The following CNTN1 variants were observed in gnomAD, a reference collection of about 807,000 sequenced individuals.
CNTN1 encodes contactin-1.
A neutral mutation model predicts 126.4 loss-of-function variants in CNTN1; 38 were observed. The ratio of observed to expected loss-of-function variants is 0.30; its 90% CI spans 0.23 to 0.39. CNTN1 has a LOEUF of 0.39. Among genes scored for constraint, CNTN1 ranks in the 10% least tolerant of loss-of-function variants. The probability of loss-of-function intolerance (pLI) is 1.00; values close to 1 mark genes in which losing one functional copy is unlikely to be tolerated. For missense variants in CNTN1, 1,009 were observed against 1,248.4 expected, an observed-to-expected ratio of 0.81 and a Z score of 2.89; for synonymous variants, 413 against 422.6, an observed-to-expected ratio of 0.98 and a Z score of 0.28.
chr12:40,994,904 CA>C (rs1230833946), intron 17 of CNTN1, among the ~76,000 whole-genome samples: 1 of 151,922 alleles, frequency 6.6e-6, no homozygotes, highest in Non-Finnish European at 1.5e-5. Context: ...TGAGAAAACT[CA>C]ATGTATGAGA....
At chr12:40,749,188 G>A (rs986663190) in intron 1 of CNTN1, among the ~76,000 whole-genome samples, 3 of 152,026 alleles carry the variant, frequency 2.0e-5, no homozygotes, top group Non-Finnish European at 2.9e-5. Flanking sequence ...TATAATACTT[G>A]TATAGAGCTG....
chr12:40,902,437 T>C (rs909950651), intron 1 of CNTN1, among the ~76,000 whole-genome samples: 62 of 152,208 alleles, frequency 4.1e-4, no homozygotes, highest in African/African-American at 1.4e-3. Context: ...GATAATCTCT[T>C]GGAAATAGAA....
intron 23 of CNTN1, among the ~76,000 whole-genome samples, chr12:41,058,566 A>G (rs372975352): frequency 8.5e-5 from 13 of 152,278 alleles, no homozygotes; most frequent in Middle Eastern, 3.4e-3. Context: ...AAACTCCTGC[A>G]AAAGTGATGA....
At chr12:41,017,750 T>C (rs1041327955) in intron 19 of CNTN1, among the ~76,000 whole-genome samples, 1 of 152,142 alleles carries the variant, frequency 6.6e-6, no homozygotes, top group African/African-American at 2.4e-5. Context: ...TTTTCTCTGA[T>C]TTCTGTTTAA....
chr12:40,916,955 A>G (rs1292151080), intron 3 of CNTN1, among the ~76,000 whole-genome samples: 1 of 151,128 alleles, frequency 6.6e-6, no homozygotes, highest in African/African-American at 2.4e-5. Context: ...AAACTATTGA[A>G]TAAAAGTTTC....
chr12:40,949,574 T>C (rs1946586984), intron 14 of CNTN1, among the ~76,000 whole-genome samples: 6 of 98,632 alleles, frequency 6.1e-5, no homozygotes, highest in Non-Finnish European at 8.8e-5. Context: ...TCTTTCTTTT[T>C]TTTTTTTTTT....
chr12:40,811,860 T>C (rs73116763), intron 1 of CNTN1, among the ~76,000 whole-genome samples: 3,420 of 151,960 alleles, frequency 0.023, 124 homozygotes, highest in African/African-American at 0.077. Context: ...TCATTGACAT[T>C]TTCTATTGTT....
intron 1 of CNTN1, among the ~76,000 whole-genome samples, chr12:40,898,422 G>A (rs1047618864): frequency 2.0e-5 from 3 of 151,936 alleles, no homozygotes; most frequent in Admixed American, 1.3e-4. Context: ...CTTGGTCTTC[G>A]AACGGGTTTT....
At chr12:40,947,721 A>G (rs1946479143) in intron 14 of CNTN1, among the ~76,000 whole-genome samples, 1 of 149,972 alleles carries the variant, frequency 6.7e-6, no homozygotes, top group Non-Finnish European at 1.5e-5. Flanking sequence ...AGTTAATTAC[A>G]TGAGTTCCTT....
intron 1 of CNTN1, among the ~76,000 whole-genome samples, chr12:40,837,308 C>A (rs1202862175): frequency 6.6e-6 from 1 of 152,090 alleles, no homozygotes; most frequent in African/African-American, 2.4e-5. Flanking sequence ...ACACCAAAAG[C>A]AGGAAGGAGA....
chr12:40,759,772 A>AT (rs1491521404), intron 1 of CNTN1, among the ~76,000 whole-genome samples: 5 of 125,058 alleles, frequency 4.0e-5, no homozygotes, highest in Admixed American at 7.6e-5. Context: ...CTTGGCCCAG[A>AT]TATTTTTTTT....
chr12:41,035,400 A>T (rs544999431), intron 23 of CNTN1, among the ~76,000 whole-genome samples: 20 of 152,304 alleles, frequency 1.3e-4, no homozygotes, highest in African/African-American at 4.8e-4. Flanking sequence ...GATTTTCAAA[A>T]ACATTTTGTT....
At chr12:41,007,045 G>GGTT (rs1948510972) in intron 17 of CNTN1, among the ~76,000 whole-genome samples, 2 of 69,198 alleles carry the variant, frequency 2.9e-5, no homozygotes, top group African/African-American at 1.2e-4. Flanking sequence ...GTTTTGTGTG[G>GGTT]TTTTTTTTTT....
chr12:40,976,906 A>T (rs1947690209), intron 15 of CNTN1, among the ~76,000 whole-genome samples: 1 of 152,160 alleles, frequency 6.6e-6, no homozygotes, highest in Admixed American at 6.5e-5. Context: ...CTACATCAAA[A>T]TTACTGGAAA....
chr12:40,933,167 A>C (rs1315135925), intron 7 of CNTN1, among the ~76,000 whole-genome samples: 1 of 151,650 alleles, frequency 6.6e-6, no homozygotes, highest in African/African-American at 2.4e-5. Flanking sequence ...AGCACTGATC[A>C]CAATGTTTGA....
At chr12:40,969,608 C>G (rs1208061200) in intron 15 of CNTN1, among the ~76,000 whole-genome samples, 4 of 152,086 alleles carry the variant, frequency 2.6e-5, no homozygotes, top group African/African-American at 2.4e-5. Context: ...ACCTTTTTCC[C>G]CTAAAAAGCA....
chr12:40,809,162 C>T (rs1469971388), intron 1 of CNTN1, among the ~76,000 whole-genome samples: 3 of 152,118 alleles, frequency 2.0e-5, no homozygotes, highest in Non-Finnish European at 4.4e-5. Context: ...CAACCATTCC[C>T]TAGAACTAAA....
At chr12:40,896,109 G>A (rs1447568705) in intron 1 of CNTN1, 2 of 152,024 alleles carry the variant, frequency 1.3e-5, no homozygotes, top group Non-Finnish European at 2.9e-5. Flanking sequence ...GATGTTCATA[G>A]GTGCTTTTCT....
At chr12:40,957,021 G>T (rs1946910627) in intron 14 of CNTN1, among the ~76,000 whole-genome samples, 1 of 151,886 alleles carries the variant, frequency 6.6e-6, no homozygotes, top group South Asian at 2.1e-4. Context: ...GGTTAAGAAT[G>T]TCCTAGAAGT....
Sources: gnomAD v4.1 joint callset for allele counts (sites outside exome capture counted in the v4.1 genomes callset) on GRCh38, gnomAD v4.1.1 for gene constraint, MANE v1.5 for transcripts, NCBI Gene and HGNC (gene_info 2026-07-23, HGNC 2026-07-21) for gene names.